ADGRB3: variants seen among roughly 807,000 people sequenced by gnomAD.
ADGRB3 encodes the protein adhesion G protein-coupled receptor B3, also known as brain-specific angiogenesis inhibitor 3.
A neutral mutation model predicts 193.4 loss-of-function variants in ADGRB3; 37 were observed. That is an observed-to-expected ratio of 0.19 (90% CI 0.15 to 0.25). The LOEUF (loss-of-function observed/expected upper bound fraction) is 0.25, where lower values mean the gene tolerates loss of function less well. ADGRB3 is among the 10% of genes least tolerant of loss of function. The pLI is 1.00. For missense variants in ADGRB3, 1,637 were observed against 1,852.9 expected (o/e 0.88, Z 2.14); for synonymous variants, 690 against 644.2 (o/e 1.07, Z -1.08).
chr6:68,714,096 C>A (rs1415180649), intron 3 of ADGRB3, among the ~76,000 whole-genome samples: 1 of 151,750 alleles, frequency 6.6e-6, no homozygotes, highest in Non-Finnish European at 1.5e-5. Context: ...ACTTTGTACT[C>A]ATTTTTTTAA....
At chr6:69,050,626 A>G (rs1400784631) in intron 15 of ADGRB3, among the ~76,000 whole-genome samples, 4 of 152,190 alleles carry the variant, frequency 2.6e-5, no homozygotes, top group Non-Finnish European at 4.4e-5. Flanking sequence ...AAAGTTAAAA[A>G]TGTTCAGATA....
chr6:69,221,761 G>C (rs889029993), intron 17 of ADGRB3, among the ~76,000 whole-genome samples: 1 of 152,142 alleles, frequency 6.6e-6, no homozygotes, highest in Admixed American at 6.6e-5. Flanking sequence ...GTTCTTCTGA[G>C]TGGAAGGTTT....
intron 17 of ADGRB3, among the ~76,000 whole-genome samples, chr6:69,086,378 A>G (rs1045565484): frequency 6.6e-6 from 1 of 152,126 alleles, no homozygotes; most frequent in East Asian, 1.9e-4. Flanking sequence ...AGAACTGGGC[A>G]TTGGCAAGAA....
At chr6:69,211,100 CGA>C (rs895048653) in intron 17 of ADGRB3, among the ~76,000 whole-genome samples, 3 of 151,806 alleles carry the variant, frequency 2.0e-5, no homozygotes, top group African/African-American at 7.3e-5. Context: ...CCAGCCTGGG[CGA>C]GAGAGAGAGA....
At chr6:69,365,173 T>C (rs1769542396) in intron 29 of ADGRB3, among the ~76,000 whole-genome samples, 1 of 152,098 alleles carries the variant, frequency 6.6e-6, no homozygotes, top group Admixed American at 6.6e-5. Context: ...CCCTGTATCA[T>C]TCAAGGTTAA....
intron 3 of ADGRB3, among the ~76,000 whole-genome samples, chr6:68,920,445 G>C (rs1437183687): frequency 6.6e-6 from 1 of 150,480 alleles, no homozygotes; most frequent in Non-Finnish European, 1.5e-5. Context: ...GTGAACCCGG[G>C]AGGCGGAGCT....
chr6:68,726,250 C>A (rs1220383334), intron 3 of ADGRB3, among the ~76,000 whole-genome samples: 1 of 151,438 alleles, frequency 6.6e-6, no homozygotes, highest in East Asian at 1.9e-4. Flanking sequence ...CTCACTTATA[C>A]CAGGGATATA....
intron 17 of ADGRB3, among the ~76,000 whole-genome samples, chr6:69,218,425 A>T (rs926793777): frequency 6.6e-6 from 1 of 152,162 alleles, no homozygotes; most frequent in African/African-American, 2.4e-5. Flanking sequence ...CTCTGGGAAG[A>T]GGGAGAAGAA....
At chr6:69,106,928 T>C (rs1773230972) in intron 17 of ADGRB3, among the ~76,000 whole-genome samples, 1 of 152,116 alleles carries the variant, frequency 6.6e-6, no homozygotes, top group Non-Finnish European at 1.5e-5. Context: ...ACCTGCCTAG[T>C]AGAAAAAGAA....
At chr6:68,871,166 G>T (rs557551532) in intron 3 of ADGRB3, among the ~76,000 whole-genome samples, 69 of 152,158 alleles carry the variant, frequency 4.5e-4, no homozygotes, top group Non-Finnish European at 8.1e-4. Context: ...TTATTCTTAT[G>T]AACAACTTTA....
At chr6:69,376,099 T>TC (rs1306676573) in intron 30 of ADGRB3, among the ~76,000 whole-genome samples, 51 of 137,338 alleles carry the variant, frequency 3.7e-4, no homozygotes, top group African/African-American at 1.3e-3. Flanking sequence ...TTTTTTTTTT[T>TC]TTTTTTTTTT....
intron 4 of ADGRB3, among the ~76,000 whole-genome samples, chr6:68,932,999 A>C (rs1042342725): frequency 6.6e-6 from 1 of 150,700 alleles, no homozygotes; most frequent in Admixed American, 6.6e-5. Flanking sequence ...AAAAAGAGTA[A>C]CATTTGATAA....
chr6:69,228,960 C>A (rs956057795), intron 17 of ADGRB3, among the ~76,000 whole-genome samples: 3 of 152,134 alleles, frequency 2.0e-5, no homozygotes, highest in African/African-American at 7.2e-5. Context: ...ACACTAAAAT[C>A]ATCTGAAGGA....
At chr6:69,023,758 G>A (rs1337269565) in intron 13 of ADGRB3, among the ~76,000 whole-genome samples, 1 of 152,084 alleles carries the variant, frequency 6.6e-6, no homozygotes, top group African/African-American at 2.4e-5. Context: ...TAGATAGAAG[G>A]CTTTTAATAG....
At chr6:68,956,291 TTA>T (rs143618979) in intron 7 of ADGRB3, 103 bp downstream of exon 7, 152 of 712,510 alleles carry the variant, frequency 2.1e-4, no homozygotes, top group Non-Finnish European at 2.6e-4. Flanking sequence ...AAGATAATCA[TTA>T]TATATATATG....
chr6:69,322,587 C>A lies in ADGRB3; in HGVS notation c.2815-2285C>A, dbSNP rs558839678. Among the ~76,000 whole-genome samples the A allele has an allele frequency of 2.6e-4, 40 of 151,946 alleles. No homozygotes were observed. The South Asian group carries it at 7.7e-3, about 29-fold the overall frequency. ...GTATCTCACTCACTATTGTTTTGAT[C>A]TGCATTTCTCTTAATGGTCAGTGAT... On this transcript the variant is annotated intron_variant, in intron 20 of 31. Transcript: ENST00000370598.
intron 3 of ADGRB3, among the ~76,000 whole-genome samples, chr6:68,829,451 C>A (rs1767913412): frequency 6.6e-6 from 1 of 151,956 alleles, no homozygotes; most frequent in Non-Finnish European, 1.5e-5. Flanking sequence ...TAGATCATTG[C>A]TGTAGAACCA....
intron 20 of ADGRB3, among the ~76,000 whole-genome samples, chr6:69,278,865 C>A (rs1582600004): frequency 6.6e-6 from 1 of 151,338 alleles, no homozygotes. Flanking sequence ...ATAACCAATA[C>A]CTGGCATAGA....
chr6:69,040,370 T>C (rs533628874), intron 13 of ADGRB3, among the ~76,000 whole-genome samples: 2,260 of 54,006 alleles, frequency 0.042, 16 homozygotes, highest in South Asian at 0.077. Context: ...TCTTTCTTTC[T>C]TTCTTTCCTT....
Sources: gnomAD v4.1 joint callset for allele counts (sites outside exome capture counted in the v4.1 genomes callset) on GRCh38, gnomAD v4.1.1 for gene constraint, MANE v1.5 for transcripts, NCBI Gene and HGNC (gene_info 2026-07-23, HGNC 2026-07-21) for gene names.